Variants in PSMD13 observed in about 807,000 individuals in gnomAD.
The protein encoded by PSMD13 is proteasome 26S subunit, non-ATPase 13.
PSMD13 carries 8 observed loss-of-function variants against 57.4 expected under a neutral mutation model. The ratio of observed to expected loss-of-function variants is 0.14; its 90% CI spans 0.08 to 0.25. The LOEUF is 0.25. Ranked by LOEUF, PSMD13 falls within the 10% of genes least tolerant of loss-of-function variation. PSMD13 has a pLI of 1.00. For synonymous variants in PSMD13, 193 were observed against 168.2 expected (o/e 1.15, Z -1.14); for missense variants, 400 against 461.5 (o/e 0.87, Z 1.22).
chr11:249,124 A>G, intron 9 of PSMD13, 67 bp downstream of exon 9: 1 of 1,590,766 alleles, frequency 6.3e-7, no homozygotes, highest in Non-Finnish European at 8.5e-7. Context: ...ACAGATGTTC[A>G]TTGAGCGTCT....
In PSMD13 at chr11:252,636, A is replaced by G; in HGVS notation, c.*36A>G. 6.3e-7 allele frequency: 1 copy of G among 1,597,206 alleles called. No homozygotes were observed. Among genetic ancestry groups the G allele is most frequent in the Non-Finnish European group, 8.6e-7 (1 of 1,165,546 alleles). ...TTCCCCGTCGTGTCTCCTTTGACTC[A>G]CCTGAGAGAGGCGTTTGCAGCCAAT... is the stretch of plus-strand genomic sequence containing the variant. On this transcript the variant is annotated 3_prime_UTR_variant, in exon 13 of 13. Coordinates refer to ENST00000532097, the MANE Select transcript of PSMD13 (RefSeq NM_002817.4). This position sits in a 1 kb window ranked among gnomAD's most constrained non-coding sequence, Gnocchi z 4.1.
chr11:252,351 C>T lies in PSMD13; in HGVS notation c.1036-154C>T, dbSNP rs1400458291. 1.5e-5 allele frequency: 10 copies of T among 676,910 alleles called. No homozygotes were observed. Among genetic ancestry groups the T allele is most frequent in the Admixed American group, 4.9e-5 (2 of 40,758 alleles). 41.9% of individuals were successfully genotyped at this position (676,910 alleles called of 1,614,324 possible). A position where few individuals can be genotyped will look rare whatever the true frequency, so the allele number is the denominator to read the frequency against. On this transcript the variant is annotated intron_variant, in intron 12 of 12. Coordinates refer to ENST00000532097, the MANE Select transcript of PSMD13 (RefSeq NM_002817.4). This position sits in a 1 kb window ranked among gnomAD's most constrained non-coding sequence, Gnocchi z 4.1. ...TGAAAAGAATTAACCCGGCAAGTCC[C>T]GTCCCACTCCCCCAGCTCAGAGGTC...
In PSMD13 at chr11:252,900, A is replaced by G. The variant is rs1443431326; in HGVS notation, c.*300A>G. Reference sequence around the variant, plus strand: ...CTGAAGTCTGTGTACTCCGAGGTGGATCTCCATCCCCATCCACCTGTACGG... The same window carrying G: ...CTGAAGTCTGTGTACTCCGAGGTGGGTCTCCATCCCCATCCACCTGTACGG... On this transcript the variant is annotated 3_prime_UTR_variant, in exon 13 of 13. Coordinates refer to ENST00000532097, the MANE Select transcript of PSMD13 (RefSeq NM_002817.4). The surrounding 1 kb of genome is among the most constrained non-coding windows in gnomAD (Gnocchi z 4.1). The G allele has an allele frequency of 3.1e-6, 1 of 317,620 alleles. No individual in the cohort carries two copies. Among genetic ancestry groups the G allele is most frequent in the African/African-American group, 2.1e-5 (1 of 48,160 alleles). The allele number at this position is 317,620 out of a possible 1,614,324, so 19.7% of individuals were successfully genotyped here. A position where few individuals can be genotyped will look rare whatever the true frequency, so the allele number is the denominator to read the frequency against.
chr11:252,495 T>C lies in PSMD13; in HGVS notation c.1036-10T>C. 1 of 1,613,798 alleles carries C rather than the reference T, an allele frequency of 6.2e-7. No homozygotes were observed. Among genetic ancestry groups the C allele is most frequent in the African/African-American group, 1.3e-5 (1 of 75,002 alleles). ...TCTTAACGTCCCTTGTGTCCGGATTTCCATTTCAGATCAAGGGAATGAAGG... is the reference window on the plus strand; with the variant it reads ...TCTTAACGTCCCTTGTGTCCGGATTCCCATTTCAGATCAAGGGAATGAAGG... On this transcript the variant is annotated splice_polypyrimidine_tract_variant and intron_variant, in intron 12 of 12. Coordinates refer to ENST00000532097, the MANE Select transcript of PSMD13 (RefSeq NM_002817.4). The surrounding 1 kb of genome is among the most constrained non-coding windows in gnomAD (Gnocchi z 4.1).
Position 252,362 on chromosome 11 carries a change from C to G in PSMD13, c.1036-143C>G, listed in dbSNP as rs974418940. ...AACCCGGCAAGTCCCGTCCCACTCCCCCAGCTCAGAGGTCCTTTTTACTAG... is the reference window on the plus strand; with the variant it reads ...AACCCGGCAAGTCCCGTCCCACTCCGCCAGCTCAGAGGTCCTTTTTACTAG... On this transcript the variant is annotated intron_variant, in intron 12 of 12. Coordinates refer to ENST00000532097, the MANE Select transcript of PSMD13 (RefSeq NM_002817.4). This position sits in a 1 kb window ranked among gnomAD's most constrained non-coding sequence, Gnocchi z 4.1. The G allele has an allele frequency of 2.8e-6, 2 of 723,898 alleles. No homozygotes were observed. Among genetic ancestry groups the G allele is most frequent in the Admixed American group, 4.6e-5 (2 of 43,718 alleles). The allele number at this position is 723,898 out of a possible 1,614,324, so 44.8% of individuals were successfully genotyped here.
Position 244,236 on chromosome 11 carries a change from A to G in PSMD13, c.265+20A>G. 6.2e-7 allele frequency: 1 copy of G among 1,607,364 alleles called. No homozygotes were observed. The highest frequency in any genetic ancestry group is 8.5e-7 in the Non-Finnish European group (1 of 1,178,108). The stretch of plus-strand genomic sequence containing the variant: ...TGACTGGTAAGTCTCACTTTGTTTT[A>G]TAAAGGAGCAGATCCAAATGGTGGT... On this transcript the variant is annotated intron_variant, in intron 4 of 12. Coordinates refer to ENST00000532097, the MANE Select transcript of PSMD13 (RefSeq NM_002817.4).
chr11:251,841 G>T lies in PSMD13; in HGVS notation c.940G>T (p.Ala314Ser). Residue 314 changes from alanine to serine, a missense_variant, in exon 12 of 13, where the codon GCC becomes TCC. Physicochemically the swap from Ala to Ser is moderately conservative, Grantham distance 99 (BLOSUM62 1). Transcript: ENST00000532097. The surrounding 1 kb of genome is among the most constrained non-coding windows in gnomAD (Gnocchi z 4.6). ...VNEVELLVMK[A>S]LSVGLVKGSI... The stretch of plus-strand genomic sequence containing the variant: ...ACAGGTGGAGCTTCTGGTGATGAAG[G>T]CCCTTTCGGTGGGGCTGGTGAAAGG... 2 of 1,614,158 alleles carry T rather than the reference G, an allele frequency of 1.2e-6. No homozygotes were observed. Among genetic ancestry groups the T allele is most frequent in the Non-Finnish European group, 1.7e-6 (2 of 1,179,990 alleles).
rs1017502304 is a variant in PSMD13 at position 250,954 on chromosome 11, T to C, written c.837+89T>C. On this transcript the variant is annotated intron_variant, in intron 10 of 12. Transcript: ENST00000532097. ...CACTCTCCAAGCCTGTGCTGAGCAG[T>C]GTGAGCTTTCAGTGGTGCTGCTTCT... is the stretch of plus-strand genomic sequence containing the variant. The C allele has an allele frequency of 9.9e-6, 12 of 1,213,908 alleles. No individual in the cohort carries two copies. In the African/African-American group the frequency reaches 1.0e-4, roughly 10 times the overall value. 75.2% of individuals were successfully genotyped at this position (1,213,908 alleles called of 1,614,324 possible).
At chr11:241,848 T>C (rs1216006200) in intron 2 of PSMD13, among the ~76,000 whole-genome samples, 1 of 152,230 alleles carries the variant, frequency 6.6e-6, no homozygotes, top group Non-Finnish European at 1.5e-5. Flanking sequence ...AAAATAGAAA[T>C]GATCATGTGT....
intron 6 of PSMD13, 103 bp from the exon 7 acceptor site, chr11:247,174 G>T: frequency 8.5e-7 from 1 of 1,172,992 alleles, no homozygotes; most frequent in Non-Finnish European, 1.2e-6. Context: ...CTTGAGGCCA[G>T]GAGTTCAAGA....
chr11:251,392 TAAC>T lies in PSMD13; in HGVS notation c.838-151_838-149del. On this transcript the variant is annotated intron_variant, in intron 10 of 12. Coordinates refer to ENST00000532097, the MANE Select transcript of PSMD13 (RefSeq NM_002817.4). This position sits in a 1 kb window ranked among gnomAD's most constrained non-coding sequence, Gnocchi z 4.6. ...TATCTAAGCATTAAAAGCTTGTTCT[TAAC>T]AAGATATATGTCTAATATTAGGAAA... The T allele has an allele frequency of 1.5e-6, 1 of 661,236 alleles. No homozygotes were observed. Among genetic ancestry groups the T allele is most frequent in the Non-Finnish European group, 2.6e-6 (1 of 392,080 alleles). The allele number at this position is 661,236 out of a possible 1,614,324, so 41.0% of individuals were successfully genotyped here. A position where few individuals can be genotyped will look rare whatever the true frequency, so the allele number is the denominator to read the frequency against.
chr11:247,419 T>G lies in PSMD13; in HGVS notation c.539T>G (p.Leu180Trp). 1.2e-6 allele frequency: 2 copies of G among 1,613,944 alleles called. No individual in the cohort carries two copies. The highest frequency in any genetic ancestry group is 1.7e-4 in the Middle Eastern group (1 of 6,060). ...TACTACAAAGATGCTCTGCGGTTTTTGGGCTGTGTTGACATCAAGGATCTA... is the reference window on the plus strand; with the variant it reads ...TACTACAAAGATGCTCTGCGGTTTTGGGGCTGTGTTGACATCAAGGATCTA... ...ASYYKDALRF[L>W]GCVDIKDLPV... The change falls in exon 7 of 13, where the codon TTG becomes TGG. Residue 180 changes from leucine to tryptophan, a missense_variant. Physicochemically the swap from Leu to Trp is moderately conservative, Grantham distance 61. Transcript: ENST00000532097.
intron 2 of PSMD13, among the ~76,000 whole-genome samples, chr11:240,111 T>TTG (rs1443869877): frequency 7.6e-6 from 1 of 132,216 alleles, no homozygotes; most frequent in Non-Finnish European, 1.6e-5. Flanking sequence ...CTTTTTTTTT[T>TTG]TTTTTTTTTT....
chr11:251,792 T>TC lies in PSMD13; in HGVS notation c.919-27dup, dbSNP rs1859769861. The TC allele has an allele frequency of 1.2e-6, 2 of 1,604,668 alleles. No homozygotes were observed. Among genetic ancestry groups the TC allele is most frequent in the Non-Finnish European group, 1.7e-6 (2 of 1,172,362 alleles). ...CATGGGGGTGTGTCAGGCTATCTTG[T>TC]CTTACACACGCCTCCCTCTCTGCAC... On this transcript the variant is annotated intron_variant, in intron 11 of 12. Transcript: ENST00000532097. This position sits in a 1 kb window ranked among gnomAD's most constrained non-coding sequence, Gnocchi z 4.6.
chr11:243,504 C>T (rs1859561828), intron 2 of PSMD13: 1 of 319,000 alleles, frequency 3.1e-6, no homozygotes, highest in African/African-American at 2.2e-5. Flanking sequence ...TCTTGAATCT[C>T]TGGCTGTAGG....
chr11:242,899 G>A (rs569833865), intron 2 of PSMD13, among the ~76,000 whole-genome samples: 4 of 152,040 alleles, frequency 2.6e-5, no homozygotes, highest in Non-Finnish European at 5.9e-5. Flanking sequence ...TGGTTCAAGC[G>A]ATTCTTCTGC....
At chr11:238,042 G>A (rs954877128) in intron 1 of PSMD13, among the ~76,000 whole-genome samples, 1 of 152,254 alleles carries the variant, frequency 6.6e-6, no homozygotes, top group Non-Finnish European at 1.5e-5. Context: ...AATGGTTTGT[G>A]TTGGATAGCA....
At chr11:243,212 A>G in intron 2 of PSMD13, 1 of 585,160 alleles carries the variant, frequency 1.7e-6, no homozygotes, top group Non-Finnish European at 3.4e-6. Flanking sequence ...GCTGCACACA[A>G]CATTACTGAC....
chr11:248,947 C>T lies in PSMD13; in HGVS notation c.664C>T (p.Leu222=). The change falls in exon 9 of 13, where the codon CTG becomes TTG. Residue 222 remains leucine (L), a synonymous_variant. Coordinates refer to ENST00000532097, the MANE Select transcript of PSMD13 (RefSeq NM_002817.4). ...ATCCTCACAGCTCATGCACCCTGTG[C>T]TGGAGTCCCTGAGGAATACTGACCG... ...NFGELLMHPV[L]ESLRNTDRQW... is the part of the protein sequence containing the mutation. 4 of 1,614,216 alleles carry T rather than the reference C, an allele frequency of 2.5e-6. No homozygotes were observed. Among genetic ancestry groups the T allele is most frequent in the Non-Finnish European group, 3.4e-6 (4 of 1,180,036 alleles).
Sources: gnomAD v4.1 joint callset for allele counts (sites outside exome capture counted in the v4.1 genomes callset) on GRCh38, gnomAD v4.1.1 for gene constraint, Gnocchi (gnomAD v3.1) non-coding constraint, MANE v1.5 for transcripts, NCBI Gene and HGNC (gene_info 2026-07-23, HGNC 2026-07-21) for gene names.